The following RSU1 variants were observed in gnomAD, a reference collection of about 807,000 sequenced individuals.
RSU1 encodes rsu-1.
A neutral mutation model predicts 31.1 loss-of-function variants in RSU1; 26 were observed. The observed-to-expected ratio is 0.84, with a 90% CI of 0.61 to 1.16. The LOEUF is 1.16. Among genes scored for constraint, RSU1 ranks in the 50% most tolerant of loss-of-function variants. The pLI is 0.00. For synonymous variants in RSU1, 164 were observed against 136.3 expected (o/e 1.20, Z -1.41); for missense variants, 320 against 339.1 (o/e 0.94, Z 0.44).
intron 2 of RSU1, among the ~76,000 whole-genome samples, chr10:16,811,754 C>T (rs561997821): frequency 1.3e-5 from 2 of 152,196 alleles, no homozygotes; most frequent in Non-Finnish European, 2.9e-5. Context: ...CTGGAAACTG[C>T]GGAGAAGCCT....
At chr10:16,728,784 G>A (rs1395053072) in intron 7 of RSU1, among the ~76,000 whole-genome samples, 1 of 152,156 alleles carries the variant, frequency 6.6e-6, no homozygotes, top group African/African-American at 2.4e-5. Context: ...ATGTGATGAC[G>A]GTAGCAGAGA....
At chr10:16,595,156 A>G (rs1833590333) in intron 8 of RSU1, among the ~76,000 whole-genome samples, 1 of 152,102 alleles carries the variant, frequency 6.6e-6, no homozygotes, top group African/African-American at 2.4e-5. Context: ...GCCCCAAGCA[A>G]TCCTCCTGCC....
At chr10:16,786,088 T>A (rs1221950538) in intron 2 of RSU1, among the ~76,000 whole-genome samples, 1 of 152,166 alleles carries the variant, frequency 6.6e-6, no homozygotes, top group Non-Finnish European at 1.5e-5. Flanking sequence ...TGGATGGCAC[T>A]AGTGTAAAGC....
intron 8 of RSU1, among the ~76,000 whole-genome samples, chr10:16,628,187 T>C (rs1834190469): frequency 6.6e-6 from 1 of 152,246 alleles, no homozygotes; most frequent in Non-Finnish European, 1.5e-5. Context: ...AAGCTGACTT[T>C]TCATTAATTA....
chr10:16,722,768 A>G lies in RSU1; in HGVS notation c.599-27613T>C, dbSNP rs889269709. 2.6e-5 allele frequency among the ~76,000 whole-genome samples: 4 copies of G among 151,876 alleles called. 1 individual carries two copies. The South Asian group carries it at 8.3e-4, about 31-fold the overall frequency. ...TATAACTCAAACTACATATGTGTAT[A>G]TCTGTATATATGTGTATGTGTGTGT... On this transcript the variant is annotated intron_variant, in intron 7 of 8. Transcript: ENST00000345264.
intron 8 of RSU1, among the ~76,000 whole-genome samples, chr10:16,602,505 T>C (rs1296557886): frequency 6.6e-6 from 1 of 152,210 alleles, no homozygotes; most frequent in Non-Finnish European, 1.5e-5. Flanking sequence ...TTGGTTTTGT[T>C]TTCTTAAGAA....
At chr10:16,598,110 C>T (rs952096689) in intron 8 of RSU1, among the ~76,000 whole-genome samples, 11 of 152,358 alleles carry the variant, frequency 7.2e-5, no homozygotes, top group African/African-American at 2.4e-4. Context: ...CACATCTGAT[C>T]CCTGAAACCT....
rs571089066 is a variant in RSU1 at position 16,608,245 on chromosome 10, T to C, written c.732-14749A>G. Among the ~76,000 whole-genome samples, 7 of 152,340 alleles carry C rather than the reference T, an allele frequency of 4.6e-5. 1 individual carries two copies. The South Asian group carries it at 1.0e-3, about 23-fold the overall frequency. ...GGAGCAGACCAGGTGTGGTGGCCCA[T>C]GCCTATAATCTCAGCACTTTCGGAG... On this transcript the variant is annotated intron_variant, in intron 8 of 8. Transcript: ENST00000345264.
intron 2 of RSU1, among the ~76,000 whole-genome samples, chr10:16,801,070 T>C (rs986732424): frequency 6.6e-6 from 1 of 151,080 alleles, no homozygotes; most frequent in Non-Finnish European, 1.5e-5. Context: ...ATATCAATTA[T>C]AAGACTATCA....
chr10:16,666,529 G>A (rs1024901977), intron 8 of RSU1, among the ~76,000 whole-genome samples: 6 of 152,186 alleles, frequency 3.9e-5, no homozygotes, highest in African/African-American at 1.4e-4. Flanking sequence ...TGTAATCCCA[G>A]CACTTTGGGA....
At position 16,782,092 on chromosome 10, in the gene RSU1, G is replaced by GA. The variant is rs760853590; in HGVS notation, c.110-9dup. 1.1e-5 allele frequency: 17 copies of GA among 1,548,530 alleles called. No homozygotes were observed. The highest frequency in any genetic ancestry group is 9.9e-5 in the Admixed American group (5 of 50,366). On this transcript the variant is annotated splice_polypyrimidine_tract_variant and intron_variant, in intron 2 of 8. Transcript: ENST00000345264. ...TGATATGGGATAAGGTAACTAAAAA[G>GA]AAAAGAAAAAAAAAAAGGTCAGTCA...
At chr10:16,642,209 AAAC>A (rs1301787386) in intron 8 of RSU1, among the ~76,000 whole-genome samples, 1 of 152,180 alleles carries the variant, frequency 6.6e-6, no homozygotes, top group East Asian at 1.9e-4. Context: ...TTACTGAAAA[AAAC>A]AGTGAGATGA....
At chr10:16,743,137 T>G (rs565095931) in intron 7 of RSU1, among the ~76,000 whole-genome samples, 1 of 152,306 alleles carries the variant, frequency 6.6e-6, no homozygotes, top group South Asian at 2.1e-4. Flanking sequence ...CAAAGTTGGG[T>G]ACAAATATTC....
chr10:16,667,072 C>T (rs1213778296), intron 8 of RSU1, among the ~76,000 whole-genome samples: 1 of 151,860 alleles, frequency 6.6e-6, no homozygotes, highest in African/African-American at 2.4e-5. Context: ...AAGAAAAAAA[C>T]AAGTTATCTG....
intron 7 of RSU1, among the ~76,000 whole-genome samples, chr10:16,737,171 T>TA (rs758007026): frequency 0.01 from 1,526 of 149,192 alleles, 14 homozygotes; most frequent in South Asian, 0.015. Flanking sequence ...AATCAATCAA[T>TA]AAAAAAAAAG....
At chr10:16,736,091 G>GA (rs1174400362) in intron 7 of RSU1, among the ~76,000 whole-genome samples, 1 of 152,200 alleles carries the variant, frequency 6.6e-6, no homozygotes, top group African/African-American at 2.4e-5. Flanking sequence ...CAAGGAGCTG[G>GA]AATTTGTGGG....
Position 16,752,922 on chromosome 10 carries a change from T to C in RSU1, c.479A>G (p.Gln160Arg). 6.2e-7 allele frequency: 1 copy of C among 1,613,432 alleles called. No individual in the cohort carries two copies. ...GAATTTAGATAAATTACTTACTATCTGCAACTTTGTGAGCTTCCCAATATC... is the reference window on the plus strand; with the variant it reads ...GAATTTAGATAAATTACTTACTATCCGCAACTTTGTGAGCTTCCCAATATC... ...PPDIGKLTKLQILSLRDNDLI... is the reference protein window; with the variant it reads ...PPDIGKLTKLRILSLRDNDLI... The change falls in exon 6 of 9, where the codon CAG becomes CGG. Residue 160 changes from glutamine to arginine, a missense_variant. Coordinates refer to ENST00000345264, the MANE Select transcript of RSU1 (RefSeq NM_012425.4).
intron 8 of RSU1, among the ~76,000 whole-genome samples, chr10:16,693,638 A>T (rs1835610654): frequency 6.6e-6 from 1 of 152,130 alleles, no homozygotes; most frequent in Admixed American, 6.5e-5. Flanking sequence ...TGAAAGCAGG[A>T]TTGCTTGACA....
chr10:16,634,201 A>G (rs973217342), intron 8 of RSU1, among the ~76,000 whole-genome samples: 6 of 152,214 alleles, frequency 3.9e-5, no homozygotes, highest in African/African-American at 1.4e-4. Context: ...AGCTAGCGCA[A>G]AGATGGCCCT....
Sources: allele counts gnomAD v4.1 joint callset (sites outside exome capture counted in the v4.1 genomes callset), GRCh38; gene constraint gnomAD v4.1.1; transcripts MANE v1.5; gene names NCBI Gene and HGNC (gene_info 2026-07-23, HGNC 2026-07-21).